PNLIPRP3: variants seen among roughly 807,000 people sequenced by gnomAD.
PNLIPRP3 encodes pancreatic lipase related protein 3.
A neutral mutation model predicts 52.8 loss-of-function variants in PNLIPRP3; 58 were observed. The ratio of observed to expected loss-of-function variants is 1.10; its 90% CI spans 0.89 to 1.37. The LOEUF (loss-of-function observed/expected upper bound fraction) is 1.37, where lower values mean the gene tolerates loss of function less well. Among genes scored for constraint, PNLIPRP3 ranks in the 40% most tolerant of loss-of-function variants. The pLI is 0.00. For missense variants in PNLIPRP3, 593 were observed against 561.6 expected, an observed-to-expected ratio of 1.06 and a Z score of -0.57; for synonymous variants, 192 against 185.0, an observed-to-expected ratio of 1.04 and a Z score of -0.31.
At chr10:116,429,074 G>A (rs1172082289) in intron 1 of PNLIPRP3, among the ~76,000 whole-genome samples, 4 of 151,924 alleles carry the variant, frequency 2.6e-5, no homozygotes, top group Admixed American at 1.3e-4. Context: ...TGACCATCTC[G>A]AATCCAAAAA....
At chr10:116,448,131 T>C (rs1006698042) in intron 4 of PNLIPRP3, among the ~76,000 whole-genome samples, 6 of 152,006 alleles carry the variant, frequency 3.9e-5, no homozygotes, top group Admixed American at 6.6e-5. Flanking sequence ...TATAGACAAA[T>C]ACAAAATACT....
At chr10:116,456,571 C>T (rs1846116687) in intron 5 of PNLIPRP3, among the ~76,000 whole-genome samples, 1 of 152,296 alleles carries the variant, frequency 6.6e-6, no homozygotes, top group South Asian at 2.1e-4. Flanking sequence ...CAGTTGTTAC[C>T]ATTTTTAATA....
At chr10:116,443,623 TATATAACAC>T (rs1419547924) in intron 3 of PNLIPRP3, among the ~76,000 whole-genome samples, 954 of 4,232 alleles carry the variant, frequency 0.23, 12 homozygotes, top group Middle Eastern at 0.5. Context: ...GTGTTTTATA[TATATAACAC>T]ATATATATAA....
At chr10:116,452,541 C>A (rs1207182593) in intron 4 of PNLIPRP3, among the ~76,000 whole-genome samples, 1 of 152,122 alleles carries the variant, frequency 6.6e-6, no homozygotes, top group Non-Finnish European at 1.5e-5. Flanking sequence ...CATCACAAGC[C>A]CAGATGTCTA....
chr10:116,457,627 T>C (rs1014723705), intron 5 of PNLIPRP3, among the ~76,000 whole-genome samples: 1 of 152,174 alleles, frequency 6.6e-6, no homozygotes, highest in Non-Finnish European at 1.5e-5. Context: ...GAAGTCATTA[T>C]GTGACCCTTT....
rs1369043691 is a variant in PNLIPRP3 at position 116,461,022 on chromosome 10, C to A, written c.622C>A (p.Pro208Thr). The stretch of plus-strand genomic sequence containing the variant: ...CACTCCAAAGGAAGTCAGGCTAGAC[C>A]CCTCGGATGCCAACTTTGTTGACGT... ...HNTPKEVRLDPSDANFVDVIH... is the reference protein window; with the variant it reads ...HNTPKEVRLDTSDANFVDVIH... Residue 208 changes from proline (P) to threonine (T), a missense_variant, in exon 6 of 12, where the codon CCC (proline) becomes ACC (threonine). Coordinates refer to ENST00000369230, the MANE Select transcript of PNLIPRP3 (RefSeq NM_001011709.3). 6.2e-7 allele frequency: 1 copy of A among 1,613,696 alleles called. No homozygotes were observed. Among genetic ancestry groups the A allele is most frequent in the East Asian group, 2.2e-5 (1 of 44,446 alleles).
intron 4 of PNLIPRP3, among the ~76,000 whole-genome samples, chr10:116,447,335 C>A (rs946383460): frequency 1.3e-5 from 2 of 152,172 alleles, no homozygotes; most frequent in Non-Finnish European, 1.5e-5. Flanking sequence ...TGGTGAGAGT[C>A]TTCTCCCACA....
At chr10:116,457,355 C>T (rs773513310) in intron 5 of PNLIPRP3, among the ~76,000 whole-genome samples, 16 of 148,996 alleles carry the variant, frequency 1.1e-4, no homozygotes, top group South Asian at 1.0e-3. Flanking sequence ...TGTGTGTGTA[C>T]GTGCTCGCTC....
At chr10:116,471,912 G>C in intron 10 of PNLIPRP3, 33 bp downstream of exon 10, 1 of 1,373,766 alleles carries the variant, frequency 7.3e-7, no homozygotes, top group Non-Finnish European at 1.0e-6. Context: ...GCTTTGCACA[G>C]TGCTGGGGGC....
At chr10:116,429,977 G>A (rs938629386) in intron 1 of PNLIPRP3, among the ~76,000 whole-genome samples, 1 of 152,180 alleles carries the variant, frequency 6.6e-6, no homozygotes, top group African/African-American at 2.4e-5. Flanking sequence ...AGAAATAACA[G>A]CATGTTTGTG....
chr10:116,450,895 CTAT>C (rs1216668583), intron 4 of PNLIPRP3, among the ~76,000 whole-genome samples: 1 of 134,232 alleles, frequency 7.4e-6, no homozygotes, highest in Non-Finnish European at 1.6e-5. Flanking sequence ...AACGTAATAC[CTAT>C]CAAAATTCCA....
At chr10:116,428,897 G>T (rs920244226) in intron 1 of PNLIPRP3, among the ~76,000 whole-genome samples, 2 of 152,098 alleles carry the variant, frequency 1.3e-5, no homozygotes, top group African/African-American at 2.4e-5. Context: ...TCAACCACCG[G>T]TTTGAATTCT....
rs775649909 is a variant in PNLIPRP3 at position 116,436,719 on chromosome 10, GT to G, written c.61del (p.Cys21AlafsTer5). 2.5e-6 allele frequency: 4 copies of G among 1,608,116 alleles called. No individual in the cohort carries two copies. The South Asian group carries it at 4.4e-5, about 18-fold the overall frequency. On this transcript the variant is annotated frameshift_variant, in exon 2 of 12. Transcript: ENST00000369230. LOFTEE classifies it high-confidence loss of function. ...CCACCTTTCTGCTGCAGGAAAAGAA[GT>G]TTGCTATGAAAGGTTAGGGTGTTTC... ...LFFGTSRGKE[V>X]CYERLGCFKD...
At chr10:116,458,286 A>C (rs1846144078) in intron 5 of PNLIPRP3, among the ~76,000 whole-genome samples, 1 of 152,196 alleles carries the variant, frequency 6.6e-6, no homozygotes, top group Admixed American at 6.5e-5. Context: ...TCAGATCCTA[A>C]ACGATTAGTT....
chr10:116,439,774 G>T, intron 2 of PNLIPRP3: 3 of 771,616 alleles, frequency 3.9e-6, no homozygotes, highest in Admixed American at 1.7e-5. Context: ...CCTTTTAGGG[G>T]CATTAGGATC....
At chr10:116,440,581 T>C (rs193089009) in intron 2 of PNLIPRP3, among the ~76,000 whole-genome samples, 2 of 152,338 alleles carry the variant, frequency 1.3e-5, no homozygotes, top group Admixed American at 1.3e-4. Context: ...TGGACTCATT[T>C]ATAAACAAAT....
chr10:116,447,802 T>C (rs1451486743), intron 4 of PNLIPRP3, among the ~76,000 whole-genome samples: 3 of 151,938 alleles, frequency 2.0e-5, no homozygotes, highest in Non-Finnish European at 4.4e-5. Context: ...CTGGTCATGG[T>C]GGCGCGCACC....
chr10:116,432,237 CTA>C (rs1376483932), intron 1 of PNLIPRP3, among the ~76,000 whole-genome samples: 1 of 152,130 alleles, frequency 6.6e-6, no homozygotes, highest in African/African-American at 2.4e-5. Flanking sequence ...TCCAGCTTTT[CTA>C]TGTCTTTGGA....
At chr10:116,453,405 G>A (rs530353149) in intron 4 of PNLIPRP3, among the ~76,000 whole-genome samples, 1 of 152,140 alleles carries the variant, frequency 6.6e-6, no homozygotes, top group South Asian at 2.1e-4. Context: ...TTAATATGTT[G>A]GGGGAAGAGT....
Sources: gnomAD v4.1 joint callset for allele counts (sites outside exome capture counted in the v4.1 genomes callset) on GRCh38, gnomAD v4.1.1 for gene constraint, MANE v1.5 for transcripts, NCBI Gene and HGNC (gene_info 2026-07-23, HGNC 2026-07-21) for gene names.